MAST2: variants seen among roughly 807,000 people sequenced by gnomAD.
The protein encoded by MAST2 is microtubule associated serine/threonine kinase 2.
In MAST2, 70 loss-of-function variants were observed where a neutral mutation model predicts 147.4. The ratio of observed to expected loss-of-function variants is 0.47; its 90% CI spans 0.39 to 0.58. The LOEUF (loss-of-function observed/expected upper bound fraction) is 0.58, where lower values mean the gene tolerates loss of function less well. MAST2 is among the 20% of genes least tolerant of loss of function. The pLI is 0.00. For missense variants in MAST2, 2,080 were observed against 2,302.3 expected, an observed-to-expected ratio of 0.90 and a Z score of 1.98; for synonymous variants, 869 against 896.8, an observed-to-expected ratio of 0.97 and a Z score of 0.55.
chr1:46,028,241 A>G (rs1646498091), intron 17 of MAST2, among the ~76,000 whole-genome samples: 1 of 152,238 alleles, frequency 6.6e-6, no homozygotes, highest in South Asian at 2.1e-4. Context: ...AAAATAGGTC[A>G]TATAACTGTT....
chr1:46,020,069 C>T (rs1646122918), intron 11 of MAST2, among the ~76,000 whole-genome samples: 1 of 152,220 alleles, frequency 6.6e-6, no homozygotes, highest in Non-Finnish European at 1.5e-5. Flanking sequence ...ACTGGAGATA[C>T]AGACATGAAT....
In MAST2 at chr1:45,852,528, A is replaced by ATT. The variant is rs530831596; in HGVS notation, c.468+22964_468+22965dup. Among the ~76,000 whole-genome samples the ATT allele has an allele frequency of 8.0e-4, 109 of 135,808 alleles. No individual in the cohort carries two copies. In the Middle Eastern group the frequency reaches 0.011, roughly 14 times the overall value. The allele number at this position is 135,808 out of a possible 152,430, so 89.1% of individuals were successfully genotyped here. A position where few individuals can be genotyped will look rare whatever the true frequency, so the allele number is the denominator to read the frequency against. ...AGGCACAAGCCACCATGCCTGGCTA[A>ATT]TTTTTTTTTTTTTTTTTTAATTTGT... is the stretch of plus-strand genomic sequence containing the variant. On this transcript the variant is annotated intron_variant, in intron 3 of 28. Transcript: ENST00000361297.
intron 4 of MAST2, among the ~76,000 whole-genome samples, chr1:45,888,529 A>G (rs569608247): frequency 1.3e-5 from 2 of 149,952 alleles, no homozygotes; most frequent in African/African-American, 4.9e-5. Context: ...CGCCCGGCTA[A>G]TTTTTTGTGT....
rs780952252 is a variant in MAST2 at position 46,035,406 on chromosome 1, C to T, written c.4737C>T (p.Pro1579=). The T allele has an allele frequency of 2.5e-6, 4 of 1,612,434 alleles. No homozygotes were observed. In the South Asian group the frequency reaches 3.3e-5, roughly 13 times the overall value. The part of the protein sequence containing the change: ...GPPRMESPSG[P]HRRLGSPQAI... ...CCAGAATGGAAAGTCCCAGTGGTCC[C>T]CACAGGAGGCTCGGGAGCCCACAAG... Residue 1579 remains proline, a synonymous_variant, in exon 29 of 29, where the codon CCC becomes CCT. Transcript: ENST00000361297. This position sits in a 1 kb window ranked among gnomAD's most constrained non-coding sequence, Gnocchi z 5.5.
chr1:45,912,311 A>C (rs1039058079), intron 4 of MAST2, among the ~76,000 whole-genome samples: 2 of 152,188 alleles, frequency 1.3e-5, no homozygotes, highest in Non-Finnish European at 2.9e-5. Context: ...GACCCATCAC[A>C]CACGTTCGCA....
At chr1:46,033,677 A>T in intron 26 of MAST2, 125 bp from the exon 27 acceptor site, 2 of 1,208,874 alleles carry the variant, frequency 1.7e-6, no homozygotes, top group Non-Finnish European at 2.3e-6. Flanking sequence ...TGTGGTTCAG[A>T]TGTGTTGGTG....
intron 1 of MAST2, among the ~76,000 whole-genome samples, chr1:45,822,274 C>G (rs910064667): frequency 6.6e-6 from 1 of 152,118 alleles, no homozygotes; most frequent in Non-Finnish European, 1.5e-5. Flanking sequence ...GGTATGTGTA[C>G]TTTTCTAAAA....
rs1171039267 is a variant in MAST2, at chr1:46,031,367, C to G, written c.2993-24C>G. 2 of 1,596,938 alleles carry G rather than the reference C, an allele frequency of 1.3e-6. No homozygotes were observed. The highest frequency in any genetic ancestry group is 1.7e-6 in the Non-Finnish European group (2 of 1,168,544). On this transcript the variant is annotated intron_variant, in intron 23 of 28. Transcript: ENST00000361297. This position sits in a 1 kb window ranked among gnomAD's most constrained non-coding sequence, Gnocchi z 4.1. ...AGGGAGGCTCAGCGGCATCGCGGGTCTCACTGCTTACTTGGGCCTACAGCT... is the reference window on the plus strand; with the variant it reads ...AGGGAGGCTCAGCGGCATCGCGGGTGTCACTGCTTACTTGGGCCTACAGCT...
At chr1:45,854,902 A>G (rs1305294239) in intron 3 of MAST2, among the ~76,000 whole-genome samples, 1 of 152,208 alleles carries the variant, frequency 6.6e-6, no homozygotes, top group Non-Finnish European at 1.5e-5. Flanking sequence ...CCAGCTATAA[A>G]TTGGATACAG....
At chr1:45,885,072 T>C (rs1647022445) in intron 4 of MAST2, among the ~76,000 whole-genome samples, 1 of 152,192 alleles carries the variant, frequency 6.6e-6, no homozygotes, top group South Asian at 2.1e-4. Flanking sequence ...CAAAATTTGT[T>C]GTGTGGAAAA....
intron 10 of MAST2, among the ~76,000 whole-genome samples, chr1:46,014,611 A>G (rs1168410669): frequency 1.3e-5 from 2 of 152,026 alleles, no homozygotes; most frequent in East Asian, 3.9e-4. Flanking sequence ...GATCAATTCA[A>G]CAAGAAGAGC....
intron 3 of MAST2, among the ~76,000 whole-genome samples, chr1:45,853,716 CT>C (rs912179763): frequency 7.2e-4 from 106 of 147,884 alleles, no homozygotes; most frequent in African/African-American, 1.8e-3. Flanking sequence ...TGTACAATCT[CT>C]TTTTTTTTTC....
intron 5 of MAST2, among the ~76,000 whole-genome samples, chr1:45,975,752 T>C (rs1182762269): frequency 6.6e-6 from 1 of 150,694 alleles, no homozygotes; most frequent in Admixed American, 6.6e-5. Context: ...TAATCAAATA[T>C]GGATGGGTAG....
chr1:45,953,012 T>C (rs1659153920), intron 4 of MAST2, among the ~76,000 whole-genome samples: 1 of 152,146 alleles, frequency 6.6e-6, no homozygotes, highest in Non-Finnish European at 1.5e-5. Context: ...CCTGAAATAA[T>C]AGATTGTAAT....
chr1:45,938,282 T>C lies in MAST2; in HGVS notation c.501-21104T>C, dbSNP rs188438621. Among the ~76,000 whole-genome samples the C allele has an allele frequency of 3.3e-5, 5 of 152,312 alleles. 1 individual carries two copies. The highest frequency in any genetic ancestry group is 2.6e-4 in the Admixed American group (4 of 15,300). On this transcript the variant is annotated intron_variant, in intron 4 of 28. Transcript: ENST00000361297. ...TTGTGTGGACATATGTTTTTATTTC[T>C]TTTGGGAGTCAGAGAATTGTGTTGT... is the stretch of plus-strand genomic sequence containing the variant.
intron 5 of MAST2, among the ~76,000 whole-genome samples, chr1:45,974,624 A>G (rs1163426747): frequency 6.6e-6 from 1 of 152,200 alleles, no homozygotes; most frequent in Non-Finnish European, 1.5e-5. Context: ...TCTCACTAAA[A>G]TGGAAAGTGA....
At chr1:45,987,138 AT>A (rs1458593443) in intron 5 of MAST2, among the ~76,000 whole-genome samples, 1 of 152,210 alleles carries the variant, frequency 6.6e-6, no homozygotes, top group Non-Finnish European at 1.5e-5. Flanking sequence ...AAGTTGTCAA[AT>A]TAATTAACAT....
chr1:45,885,570 T>C (rs1452588448), intron 4 of MAST2, among the ~76,000 whole-genome samples: 1 of 152,200 alleles, frequency 6.6e-6, no homozygotes, highest in Admixed American at 6.5e-5. Flanking sequence ...AAGTATAGCA[T>C]AAAAATTAAC....
intron 3 of MAST2, among the ~76,000 whole-genome samples, chr1:45,831,779 AGTTT>A (rs1557814267): frequency 3.7e-5 from 5 of 134,038 alleles, no homozygotes; most frequent in Non-Finnish European, 4.9e-5. Flanking sequence ...GAAGTTTAAT[AGTTT>A]TTTTTTTTTT....
Sources: gnomAD v4.1 joint callset for allele counts (sites outside exome capture counted in the v4.1 genomes callset) on GRCh38, gnomAD v4.1.1 for gene constraint, Gnocchi (gnomAD v3.1) non-coding constraint, MANE v1.5 for transcripts, NCBI Gene and HGNC (gene_info 2026-07-23, HGNC 2026-07-21) for gene names.